ABCC4: variants seen among roughly 807,000 people sequenced by gnomAD.
The protein encoded by ABCC4 is ATP-binding cassette sub-family C member 4.
A neutral mutation model predicts 168.5 loss-of-function variants in ABCC4; 102 were observed. The ratio of observed to expected loss-of-function variants is 0.61; its 90% confidence interval spans 0.52 to 0.71. ABCC4 has a LOEUF of 0.71. Ranked by LOEUF, ABCC4 falls within the 30% of genes least tolerant of loss-of-function variation. The probability of loss-of-function intolerance (pLI) is 0.00; values close to 1 mark genes in which losing one functional copy is unlikely to be tolerated. For synonymous variants in ABCC4, 617 were observed against 590.7 expected (o/e 1.04, Z -0.65); for missense variants, 1,402 against 1,605.8 (o/e 0.87, Z 2.17).
intron 9 of ABCC4, 86 bp downstream of exon 9, chr13:95,194,750 C>T (rs575951142): frequency 7.8e-6 from 8 of 1,020,258 alleles, no homozygotes; most frequent in South Asian, 1.6e-5. Flanking sequence ...ATATTTTATA[C>T]CATGTGTAAC....
chr13:95,236,591 C>A (rs58122333), intron 3 of ABCC4, among the ~76,000 whole-genome samples: 1 of 43,870 alleles, frequency 2.3e-5, no homozygotes, highest in Non-Finnish European at 6.3e-5. Flanking sequence ...CATGTGAACG[C>A]GCGCGTGCGC....
chr13:95,270,987 C>G (rs1258103150), intron 1 of ABCC4, among the ~76,000 whole-genome samples: 1 of 152,052 alleles, frequency 6.6e-6, no homozygotes, highest in Non-Finnish European at 1.5e-5. Context: ...CCCAGCTACT[C>G]GGGAGGCTGA....
intron 11 of ABCC4, among the ~76,000 whole-genome samples, chr13:95,183,502 T>C (rs1201659029): frequency 6.6e-6 from 1 of 152,112 alleles, no homozygotes; most frequent in Non-Finnish European, 1.5e-5. Flanking sequence ...TGCTAAACAG[T>C]CATAAATGGC....
chr13:95,026,766 CTAGT>C lies in ABCC4; in HGVS notation c.3871-5088_3871-5085del, dbSNP rs532660394. Among the ~76,000 whole-genome samples the C allele has an allele frequency of 2.0e-5, 3 of 151,996 alleles. No individual in the cohort carries two copies. The East Asian group carries it at 5.8e-4, about 30-fold the overall frequency. ...TAGCCAGGTATGGTGGCATGTGCCTCTAGTTCCAGCTTTAAGGGAGGCTGAGAAG... is the reference window on the plus strand; with the variant it reads ...TAGCCAGGTATGGTGGCATGTGCCTCTCCAGCTTTAAGGGAGGCTGAGAAG... On this transcript the variant is annotated intron_variant, in intron 30 of 30. Coordinates refer to ENST00000645237, the MANE Select transcript of ABCC4 (RefSeq NM_005845.5).
At chr13:95,189,290 C>CAT (rs1416919324) in intron 9 of ABCC4, among the ~76,000 whole-genome samples, 2 of 151,002 alleles carry the variant, frequency 1.3e-5, no homozygotes, top group Non-Finnish European at 3.0e-5. Context: ...CCTGCCACTG[C>CAT]GCCCAGCTAA....
chr13:95,118,731 G>A (rs372036304), intron 19 of ABCC4, among the ~76,000 whole-genome samples: 2 of 152,276 alleles, frequency 1.3e-5, no homozygotes, highest in South Asian at 2.1e-4. Context: ...CAGGGATGTC[G>A]AGAGAAGAGG....
chr13:95,043,583 A>C lies in ABCC4; in HGVS notation c.3735+99T>G, dbSNP rs9302041. ...AGAGAGCCAAAATTAACAGAAAATT[A>C]ACTTACTAGGGGTTTCTATCAAGTT... On this transcript the variant is annotated intron_variant, in intron 29 of 30. Transcript: ENST00000645237. The C allele has an allele frequency of 4.1e-4, 402 of 971,562 alleles. No homozygotes were observed. In the African/African-American group the frequency reaches 5.8e-3, roughly 14 times the overall value. The allele number at this position is 971,562 out of a possible 1,614,324, so 60.2% of individuals were successfully genotyped here.
chr13:95,231,525 G>A (rs1281391911), intron 4 of ABCC4, among the ~76,000 whole-genome samples: 1 of 152,170 alleles, frequency 6.6e-6, no homozygotes, highest in East Asian at 1.9e-4. Context: ...TGCCAGTGTC[G>A]CAGAGGGACC....
intron 30 of ABCC4, among the ~76,000 whole-genome samples, chr13:95,033,023 G>A (rs2139219316): frequency 7.0e-6 from 1 of 142,502 alleles, no homozygotes; most frequent in Non-Finnish European, 1.5e-5. Context: ...AGGCTGGAGT[G>A]CAGTGTCATG....
intron 19 of ABCC4, among the ~76,000 whole-genome samples, chr13:95,149,929 T>C (rs2036618233): frequency 6.6e-6 from 1 of 152,216 alleles, no homozygotes; most frequent in South Asian, 2.1e-4. Context: ...TTAGCTACTA[T>C]CAGGCTGAAG....
intron 29 of ABCC4, among the ~76,000 whole-genome samples, chr13:95,038,727 T>G (rs141982950): frequency 1.3e-5 from 2 of 152,270 alleles, no homozygotes; most frequent in Non-Finnish European, 2.9e-5. Flanking sequence ...AGGCACCCCA[T>G]GCACACTGCC....
intron 1 of ABCC4, among the ~76,000 whole-genome samples, chr13:95,257,310 A>G (rs149455364): frequency 6.6e-6 from 1 of 152,316 alleles, no homozygotes; most frequent in East Asian, 1.9e-4. Context: ...CACATTGAAT[A>G]GGCTGAAGAG....
intron 4 of ABCC4, among the ~76,000 whole-genome samples, chr13:95,226,788 G>A (rs904598166): frequency 2.6e-5 from 4 of 152,122 alleles, no homozygotes; most frequent in East Asian, 1.9e-4. Context: ...TAGGACACTC[G>A]GGCTGATGAA....
chr13:95,125,531 AAATGAATG>A (rs3837534), intron 19 of ABCC4, among the ~76,000 whole-genome samples: 3 of 151,378 alleles, frequency 2.0e-5, no homozygotes, highest in Non-Finnish European at 1.5e-5. Flanking sequence ...ACAAGTAAAT[AAATGAATG>A]AATGAATGAA....
At chr13:95,115,901 T>C in intron 20 of ABCC4, 21 bp downstream of exon 20, 1 of 1,596,228 alleles carries the variant, frequency 6.3e-7, no homozygotes, top group Admixed American at 1.7e-5. Context: ...TTTGAGATCC[T>C]GACATTACTC....
intron 1 of ABCC4, among the ~76,000 whole-genome samples, chr13:95,277,854 G>A (rs915938168): frequency 6.6e-6 from 1 of 152,184 alleles, no homozygotes; most frequent in African/African-American, 2.4e-5. Context: ...GGGACCCCAG[G>A]AGAGGGTGGC....
chr13:95,206,475 G>A, intron 8 of ABCC4, 57 bp downstream of exon 8: 2 of 1,586,412 alleles, frequency 1.3e-6, no homozygotes, highest in African/African-American at 1.3e-5. Context: ...TAAATAAAAG[G>A]AGACATCATT....
At chr13:95,069,633 G>A (rs940472215) in intron 25 of ABCC4, among the ~76,000 whole-genome samples, 2 of 151,820 alleles carry the variant, frequency 1.3e-5, no homozygotes, top group Admixed American at 1.3e-4. Flanking sequence ...TACCCCTGCC[G>A]CCCACCATCC....
chr13:95,071,535 G>A (rs1028435410), intron 25 of ABCC4, 127 bp downstream of exon 25: 1 of 784,984 alleles, frequency 1.3e-6, no homozygotes, highest in Non-Finnish European at 1.8e-6. Context: ...CACATTCCAT[G>A]GTTAGTTTCC....
Sources: allele counts gnomAD v4.1 joint callset (sites outside exome capture counted in the v4.1 genomes callset), GRCh38; gene constraint gnomAD v4.1.1; transcripts MANE v1.5; gene names NCBI Gene and HGNC (gene_info 2026-07-23, HGNC 2026-07-21).